RFPL4B: variants seen among roughly 807,000 people sequenced by gnomAD.
The protein encoded by RFPL4B is ret finger protein-like 4B.
For missense variants in RFPL4B, 314 were observed against 327.7 expected, an observed-to-expected ratio of 0.96 and a Z score of 0.32; for synonymous variants, 118 against 126.3, an observed-to-expected ratio of 0.93 and a Z score of 0.44.
chr6:112,347,720 A>G (rs6931103), intron 1 of RFPL4B, among the ~76,000 whole-genome samples: 29,673 of 152,298 alleles, frequency 0.19, 3,118 homozygotes, highest in Middle Eastern at 0.25. Context: ...GCCGGGCGCC[A>G]TGGTTCGCGC....
chr6:112,349,781 T>G lies in RFPL4B; in HGVS notation c.73T>G (p.Ser25Ala), dbSNP rs758421331. Reference protein sequence around the residue: ...LDFFSCSISLSCTHVFCFDCI... With the variant: ...LDFFSCSISLACTHVFCFDCI... ...TTTTTTCTCCTGTTCCATTTCTCTC[T>G]CTTGTACACACGTGTTCTGCTTTGA... The change falls in exon 3 of 3, where the codon TCT (serine) becomes GCT (alanine). Residue 25 changes from serine to alanine, a missense_variant. Ser to Ala is a moderately conservative substitution (Grantham distance 99). Coordinates refer to ENST00000441065, the MANE Select transcript of RFPL4B (RefSeq NM_001013734.3). 4.3e-6 allele frequency: 7 copies of G among 1,614,162 alleles called. No homozygotes were observed. Among genetic ancestry groups the G allele is most frequent in the Middle Eastern group, 1.6e-4 (1 of 6,062 alleles).
Position 112,350,095 on chromosome 6 carries a change from T to C in RFPL4B, c.387T>C (p.Asp129=). The C allele has an allele frequency of 6.2e-7, 1 of 1,614,142 alleles. No homozygotes were observed. Residue 129 remains aspartate (D), a synonymous_variant, in exon 3 of 3, where the codon GAT becomes GAC. Transcript: ENST00000441065. ...AGATCCACCACGATCTGACAAAAGA[T>C]CCCAGGCTGGCCTGTGTCCTGGGTA... ...CKKIHHDLTK[D]PRLACVLGTP... is the part of the protein sequence containing the mutation.
chr6:112,350,557 A>G lies in RFPL4B; in HGVS notation c.*57A>G, dbSNP rs1342372433. 4 of 1,341,378 alleles carry G rather than the reference A, an allele frequency of 3.0e-6. No homozygotes were observed. The highest frequency in any genetic ancestry group is 4.1e-6 in the Non-Finnish European group (4 of 974,380). 83.1% of individuals were successfully genotyped at this position (1,341,378 alleles called of 1,614,324 possible). A position where few individuals can be genotyped will look rare whatever the true frequency, so the allele number is the denominator to read the frequency against. On this transcript the variant is annotated 3_prime_UTR_variant, in exon 3 of 3. Coordinates refer to ENST00000441065, the MANE Select transcript of RFPL4B (RefSeq NM_001013734.3). ...AGGTGAAAGAGAATTTTGGCCTGAG[A>G]AAGGTCAGCATGATTGAGGAAGAGA... is the stretch of plus-strand genomic sequence containing the variant.
intron 1 of RFPL4B, among the ~76,000 whole-genome samples, chr6:112,348,504 C>T (rs773372604): frequency 2.0e-5 from 3 of 152,182 alleles, no homozygotes; most frequent in Admixed American, 6.5e-5. Context: ...CTGGCCTCAT[C>T]GGTGTTCATC....
Position 112,350,634 on chromosome 6 carries a change from A to G in RFPL4B, c.*134A>G. On this transcript the variant is annotated 3_prime_UTR_variant, in exon 3 of 3. Coordinates refer to ENST00000441065, the MANE Select transcript of RFPL4B (RefSeq NM_001013734.3). ...TAAATTTTTAAAGTAGATTTTGTAG[A>G]CTTTGTAGCAAAACAATTTTCGGAT... The G allele has an allele frequency of 1.4e-6, 1 of 717,414 alleles. No individual in the cohort carries two copies. Among genetic ancestry groups the G allele is most frequent in the Admixed American group, 3.4e-5 (1 of 29,770 alleles). The allele number at this position is 717,414 out of a possible 1,614,324, so 44.4% of individuals were successfully genotyped here.
At position 112,350,311 on chromosome 6, in the gene RFPL4B, C is replaced by G; in HGVS notation, c.603C>G (p.Ser201Arg). The change falls in exon 3 of 3, where the codon AGC becomes AGG. Residue 201 changes from serine to arginine, a missense_variant. Ser to Arg is a moderately radical substitution (Grantham distance 110, BLOSUM62 -1). Coordinates refer to ENST00000441065, the MANE Select transcript of RFPL4B (RefSeq NM_001013734.3). The part of the protein sequence containing the change: ...ANTHLERIPA[S>R]PRLRRVGIFL... ...CCCACCTGGAGAGAATTCCTGCAAG[C>G]CCTCGCCTTCGCCGTGTGGGAATTT... The G allele has an allele frequency of 5.6e-6, 9 of 1,614,234 alleles. No homozygotes were observed. The highest frequency in any genetic ancestry group is 7.6e-6 in the Non-Finnish European group (9 of 1,180,040).
rs952290412 is a variant in RFPL4B at position 112,349,226 on chromosome 6, A to G, written c.-201A>G. On this transcript the variant is annotated 5_prime_UTR_variant, in exon 2 of 3. The change creates a new upstream start codon in the 5' untranslated region. Transcript: ENST00000441065. ...CAAAGAAATACTGAGTGGAGACTAT[A>G]CTGAGATTCTGTTAAAGACCCACTT... 2.0e-5 allele frequency: 3 copies of G among 152,266 alleles called. No homozygotes were observed. The highest frequency in any genetic ancestry group is 2.0e-4 in the Admixed American group (3 of 15,282). 9.4% of individuals were successfully genotyped at this position (152,266 alleles called of 1,614,324 possible).
Position 112,350,635 on chromosome 6 carries a change from C to A in RFPL4B, c.*135C>A. 1.4e-6 allele frequency: 1 copy of A among 716,950 alleles called. No individual in the cohort carries two copies. Among genetic ancestry groups the A allele is most frequent in the South Asian group, 3.1e-5 (1 of 32,546 alleles). The allele number at this position is 716,950 out of a possible 1,614,324, so 44.4% of individuals were successfully genotyped here. A position where few individuals can be genotyped will look rare whatever the true frequency, so the allele number is the denominator to read the frequency against. ...AAATTTTTAAAGTAGATTTTGTAGA[C>A]TTTGTAGCAAAACAATTTTCGGATT... On this transcript the variant is annotated 3_prime_UTR_variant, in exon 3 of 3. Coordinates refer to ENST00000441065, the MANE Select transcript of RFPL4B (RefSeq NM_001013734.3).
chr6:112,348,565 C>G (rs539931329), intron 1 of RFPL4B, among the ~76,000 whole-genome samples: 1 of 152,362 alleles, frequency 6.6e-6, no homozygotes, highest in East Asian at 1.9e-4. Flanking sequence ...GTCCCTCATT[C>G]TGTTACTACT....
Position 112,349,627 on chromosome 6 carries a change from C to G in RFPL4B, c.-82C>G, listed in dbSNP as rs1226224347. The G allele has an allele frequency of 9.2e-7, 1 of 1,085,264 alleles. No individual in the cohort carries two copies. The highest frequency in any genetic ancestry group is 1.6e-5 in the African/African-American group (1 of 63,924). 67.2% of individuals were successfully genotyped at this position (1,085,264 alleles called of 1,614,324 possible). Reference sequence around the variant, plus strand: ...AGACTATTGAAGAGTGGATTGTGTACTGAGGGCTCCCAAGTGCTTCCAGAA... The same window carrying G: ...AGACTATTGAAGAGTGGATTGTGTAGTGAGGGCTCCCAAGTGCTTCCAGAA... On this transcript the variant is annotated 5_prime_UTR_variant, in exon 3 of 3. Transcript: ENST00000441065.
At position 112,351,147 on chromosome 6, in the gene RFPL4B, C is replaced by T. The variant is rs1437288475; in HGVS notation, c.*647C>T. On this transcript the variant is annotated 3_prime_UTR_variant, in exon 3 of 3. Transcript: ENST00000441065. Reference sequence around the variant, plus strand: ...TATTCTTATGGGAAGTGTCATTTACCCATCTCAATAATTGGACTATTGTGA... The same window carrying T: ...TATTCTTATGGGAAGTGTCATTTACTCATCTCAATAATTGGACTATTGTGA... 1 of 167,022 alleles carries T rather than the reference C, an allele frequency of 6.0e-6. No homozygotes were observed. Among genetic ancestry groups the T allele is most frequent in the Admixed American group, 6.5e-5 (1 of 15,278 alleles). The allele number at this position is 167,022 out of a possible 1,614,324, so 10.3% of individuals were successfully genotyped here.
At chr6:112,348,524 C>A (rs1365326492) in intron 1 of RFPL4B, among the ~76,000 whole-genome samples, 1 of 152,178 alleles carries the variant, frequency 6.6e-6, no homozygotes, top group East Asian at 1.9e-4. Flanking sequence ...CACTTCCTCT[C>A]TCTGGTAATG....
chr6:112,350,262 A>G lies in RFPL4B; in HGVS notation c.554A>G (p.Lys185Arg). Residue 185 changes from lysine to arginine, a missense_variant, in exon 3 of 3, where the codon AAG becomes AGG. Lys to Arg is a conservative substitution (Grantham distance 26, BLOSUM62 2). Coordinates refer to ENST00000441065, the MANE Select transcript of RFPL4B (RefSeq NM_001013734.3). ...FPEHGFWISM[K>R]AGAIHANTHL... ...GAGCATGGCTTCTGGATCAGCATGA[A>G]GGCAGGAGCAATCCATGCTAACACC... is the stretch of plus-strand genomic sequence containing the variant. The G allele has an allele frequency of 6.2e-7, 1 of 1,614,240 alleles. No homozygotes were observed.
rs760785550 is a variant in RFPL4B, at chr6:112,350,392, C to T, written c.684C>T (p.Leu228=). The T allele has an allele frequency of 5.6e-6, 9 of 1,613,978 alleles. No individual in the cohort carries two copies. In the South Asian group the frequency reaches 7.7e-5, roughly 14 times the overall value. ...IQFFDVDNNV[L]IYTHDGFFSL... Reference sequence around the variant, plus strand: ...TTTTTGATGTTGACAATAATGTCCTCATCTATACACATGATGGTTTCTTCT... The same window carrying T: ...TTTTTGATGTTGACAATAATGTCCTTATCTATACACATGATGGTTTCTTCT... Residue 228 remains leucine, a synonymous_variant, in exon 3 of 3, where the codon CTC becomes CTT. Transcript: ENST00000441065.
chr6:112,350,590 C>T lies in RFPL4B; in HGVS notation c.*90C>T, dbSNP rs879189002. 10 of 989,096 alleles carry T rather than the reference C, an allele frequency of 1.0e-5. No homozygotes were observed. Among genetic ancestry groups the T allele is most frequent in the Middle Eastern group, 3.3e-4 (1 of 3,074 alleles). 61.3% of individuals were successfully genotyped at this position (989,096 alleles called of 1,614,324 possible). On this transcript the variant is annotated 3_prime_UTR_variant, in exon 3 of 3. Coordinates refer to ENST00000441065, the MANE Select transcript of RFPL4B (RefSeq NM_001013734.3). ...GCATGATTGAGGAAGAGATAATGTG[C>T]TATAGTGCAAAGACTTGGTAAATTT...
chr6:112,350,395 C>G lies in RFPL4B; in HGVS notation c.687C>G (p.Ile229Met), dbSNP rs1339248054. The change falls in exon 3 of 3, where the codon ATC becomes ATG. Residue 229 changes from isoleucine to methionine, a missense_variant. Ile to Met is a conservative substitution (Grantham distance 10, BLOSUM62 1). Coordinates refer to ENST00000441065, the MANE Select transcript of RFPL4B (RefSeq NM_001013734.3). ...QFFDVDNNVL[I>M]YTHDGFFSLE... ...TTGATGTTGACAATAATGTCCTCATCTATACACATGATGGTTTCTTCTCTT... is the reference window on the plus strand; with the variant it reads ...TTGATGTTGACAATAATGTCCTCATGTATACACATGATGGTTTCTTCTCTT... 3.1e-6 allele frequency: 5 copies of G among 1,614,028 alleles called. No individual in the cohort carries two copies. The highest frequency in any genetic ancestry group is 4.2e-6 in the Non-Finnish European group (5 of 1,179,918).
chr6:112,349,909 C>T lies in RFPL4B; in HGVS notation c.201C>T (p.Ser67=), dbSNP rs112616941. 49 of 1,614,114 alleles carry T rather than the reference C, an allele frequency of 3.0e-5. No individual in the cohort carries two copies. Among genetic ancestry groups the T allele is most frequent in the South Asian group, 2.4e-4 (22 of 91,070 alleles). ...CTGCTTTGGAAGAATGGCAAGTGAGCGTCCTAACACTTATGACCAAGCAGC... is the reference window on the plus strand; with the variant it reads ...CTGCTTTGGAAGAATGGCAAGTGAGTGTCCTAACACTTATGACCAAGCAGC... ...KVPALEEWQV[S]VLTLMTKQHN... is the part of the protein sequence containing the mutation. The change falls in exon 3 of 3, where the codon AGC becomes AGT. Residue 67 remains serine, a synonymous_variant. Transcript: ENST00000441065.
intron 1 of RFPL4B, among the ~76,000 whole-genome samples, chr6:112,348,534 G>A (rs35615427): frequency 0.19 from 29,594 of 152,180 alleles, 3,106 homozygotes; most frequent in Middle Eastern, 0.25. Flanking sequence ...CTCTGGTAAT[G>A]TTGATGCTGC....
chr6:112,350,017 T>C lies in RFPL4B; in HGVS notation c.309T>C (p.Thr103=). The C allele has an allele frequency of 6.2e-7, 1 of 1,614,216 alleles. No individual in the cohort carries two copies. Among genetic ancestry groups the C allele is most frequent in the Non-Finnish European group, 8.5e-7 (1 of 1,180,040 alleles). The part of the protein sequence containing the change: ...FREDVTLDAA[T]ASSLLVFSND... ...AGGATGTGACCCTGGATGCAGCCAC[T>C]GCCAGCTCCCTCCTTGTCTTCTCCA... Residue 103 remains threonine (T), a synonymous_variant, in exon 3 of 3, where the codon ACT becomes ACC. Transcript: ENST00000441065.
Sources: gnomAD v4.1 joint callset for allele counts (sites outside exome capture counted in the v4.1 genomes callset) on GRCh38, gnomAD v4.1.1 for gene constraint, MANE v1.5 for transcripts, NCBI Gene and HGNC (gene_info 2026-07-23, HGNC 2026-07-21) for gene names.